The following ATRNL1 variants were observed in gnomAD, a reference collection of about 807,000 sequenced individuals.
ATRNL1 encodes the protein attractin-like protein 1.
ATRNL1 carries 95 observed loss-of-function variants against 182.7 expected under a neutral mutation model. The observed-to-expected ratio is 0.52, with a 90% CI of 0.44 to 0.62. The LOEUF is 0.62. Among genes scored for constraint, ATRNL1 ranks in the 20% least tolerant of loss-of-function variants. The pLI, the probability that ATRNL1 is intolerant of heterozygous loss-of-function variation, is 0.00. For synonymous variants in ATRNL1, 576 were observed against 568.3 expected, an observed-to-expected ratio of 1.01 and a Z score of -0.19; for missense variants, 1,471 against 1,679.5, an observed-to-expected ratio of 0.88 and a Z score of 2.17.
In ATRNL1 at chr10:115,260,793, ATAAAG is replaced by A. The variant is rs1851360161; in HGVS notation, c.1688-4398_1688-4394del. Among the ~76,000 whole-genome samples the A allele has an allele frequency of 2.0e-5, 3 of 152,158 alleles. No individual in the cohort carries two copies. In the South Asian group the frequency reaches 6.2e-4, roughly 31 times the overall value. On this transcript the variant is annotated intron_variant, in intron 10 of 28. Coordinates refer to ENST00000355044, the MANE Select transcript of ATRNL1 (RefSeq NM_207303.4). ...AGGAAAACAAATCAATGATTTGAAG[ATAAAG>A]TGAAGAATCTCCATAAAGTATTATG...
At chr10:115,409,926 T>A (rs574978152) in intron 20 of ATRNL1, among the ~76,000 whole-genome samples, 3 of 152,290 alleles carry the variant, frequency 2.0e-5, no homozygotes, top group South Asian at 2.1e-4. Flanking sequence ...GAGTTTTTTT[T>A]ATCATGGAGA....
intron 3 of ATRNL1, among the ~76,000 whole-genome samples, chr10:115,125,540 CGTT>C (rs1844932900): frequency 1.3e-5 from 2 of 150,404 alleles, no homozygotes; most frequent in South Asian, 2.1e-4. Context: ...GTGTGTTGGA[CGTT>C]GTTGTTTGGA....
In ATRNL1 at chr10:115,700,196, A is replaced by G. The variant is rs559134571; in HGVS notation, c.3796-27052A>G. On this transcript the variant is annotated intron_variant, in intron 26 of 28. Coordinates refer to ENST00000355044, the MANE Select transcript of ATRNL1 (RefSeq NM_207303.4). ...GTTAAATGATTTATTTCTTTTGGAT[A>G]TATACCCAGTAATGGGATTGCTGGG... Among the ~76,000 whole-genome samples the G allele has an allele frequency of 1.3e-4, 19 of 151,912 alleles. 1 individual carries two copies. The highest frequency in any genetic ancestry group is 4.6e-4 in the African/African-American group (19 of 41,198).
In ATRNL1 at chr10:115,948,235, A is replaced by G. The variant is rs1439569399; in HGVS notation, c.*3456A>G. 3 of 152,222 alleles carry G rather than the reference A, an allele frequency of 2.0e-5. No individual in the cohort carries two copies. Among genetic ancestry groups the G allele is most frequent in the African/African-American group, 7.2e-5 (3 of 41,446 alleles). The allele number at this position is 152,222 out of a possible 1,614,324, so 9.4% of individuals were successfully genotyped here. On this transcript the variant is annotated 3_prime_UTR_variant, in exon 29 of 29. Transcript: ENST00000355044. ...ATTACTGACTGATGACATTGAGACA[A>G]GAGCATCAATGATCACCTTTCACGT...
chr10:115,531,193 T>C (rs560731259), intron 25 of ATRNL1, among the ~76,000 whole-genome samples: 1 of 151,688 alleles, frequency 6.6e-6, no homozygotes, highest in African/African-American at 2.4e-5. Flanking sequence ...GATCCCTGAG[T>C]AATCGCCACA....
At chr10:115,319,165 G>A (rs1360328530) in intron 18 of ATRNL1, among the ~76,000 whole-genome samples, 2 of 152,196 alleles carry the variant, frequency 1.3e-5, no homozygotes, top group Non-Finnish European at 2.9e-5. Context: ...TCATTCAGGA[G>A]CAGGTTGTTC....
intron 27 of ATRNL1, among the ~76,000 whole-genome samples, chr10:115,838,250 GCAAAGGCTACTCCGTCTA>G (rs1443054578): frequency 6.6e-6 from 1 of 152,170 alleles, no homozygotes; most frequent in African/African-American, 2.4e-5. Flanking sequence ...TCTTGAAATT[GCAAAGGCTACTCCGTCTA>G]CAAACTTCAA....
chr10:115,573,297 C>G (rs1854514208), intron 26 of ATRNL1, among the ~76,000 whole-genome samples: 1 of 152,102 alleles, frequency 6.6e-6, no homozygotes, highest in South Asian at 2.1e-4. Flanking sequence ...TGACTTCCCC[C>G]AGCCAAATTC....
chr10:115,920,950 A>G (rs1555118573), intron 28 of ATRNL1, among the ~76,000 whole-genome samples: 1 of 152,238 alleles, frequency 6.6e-6, no homozygotes, highest in Non-Finnish European at 1.5e-5. Flanking sequence ...GTGAACTAAA[A>G]TGAGAAGTTA....
chr10:115,506,732 G>A (rs1308721331), intron 24 of ATRNL1, among the ~76,000 whole-genome samples: 1 of 151,910 alleles, frequency 6.6e-6, no homozygotes, highest in African/African-American at 2.4e-5. Context: ...TTCTCTGGAC[G>A]GTATGCTCCC....
chr10:115,596,087 A>T (rs1299296543), intron 26 of ATRNL1, among the ~76,000 whole-genome samples: 5 of 152,148 alleles, frequency 3.3e-5, no homozygotes, highest in African/African-American at 9.7e-5. Flanking sequence ...GTGTTCGGAA[A>T]TGTGACGCCC....
At position 115,469,335 on chromosome 10, in the gene ATRNL1, T is replaced by C. The variant is rs781800036; in HGVS notation, c.3654+6T>C. On this transcript the variant is annotated splice_donor_region_variant and intron_variant, in intron 24 of 28. Coordinates refer to ENST00000355044, the MANE Select transcript of ATRNL1 (RefSeq NM_207303.4). Reference sequence around the variant, plus strand: ...CCTGGCCTATTAAAATACAGGTAAGTGTTAAGAGTATTTACTTCTAATGAC... The same window carrying C: ...CCTGGCCTATTAAAATACAGGTAAGCGTTAAGAGTATTTACTTCTAATGAC... 6.7e-7 allele frequency: 1 copy of C among 1,502,598 alleles called. No individual in the cohort carries two copies. Among genetic ancestry groups the C allele is most frequent in the Non-Finnish European group, 8.9e-7 (1 of 1,124,838 alleles). The allele number at this position is 1,502,598 out of a possible 1,614,324, so 93.1% of individuals were successfully genotyped here.
chr10:115,738,130 T>TG (rs1948018635), intron 27 of ATRNL1, among the ~76,000 whole-genome samples: 2 of 45,476 alleles, frequency 4.4e-5, no homozygotes, highest in African/African-American at 7.9e-5. Context: ...ATAATGATTT[T>TG]TTTTTTTTTT....
At chr10:115,102,237 G>T (rs75268926) in intron 1 of ATRNL1, among the ~76,000 whole-genome samples, 1 of 152,116 alleles carries the variant, frequency 6.6e-6, no homozygotes, top group African/African-American at 2.4e-5. Context: ...AGCCTTTATC[G>T]TTATCCAATG....
At chr10:115,169,992 T>C (rs79080935) in intron 7 of ATRNL1, among the ~76,000 whole-genome samples, 1 of 152,296 alleles carries the variant, frequency 6.6e-6, no homozygotes, top group African/African-American at 2.4e-5. Flanking sequence ...ATTGATCTTA[T>C]GTTCTGTAAT....
At position 115,530,752 on chromosome 10, in the gene ATRNL1, A is replaced by G. The variant is rs376789806; in HGVS notation, c.3716+11428A>G. ...ATTAACTCGTCATTTAGCATTAGGT[A>G]TATCTCCTCATGCTATCCCTCCCCC... On this transcript the variant is annotated intron_variant, in intron 25 of 28. Coordinates refer to ENST00000355044, the MANE Select transcript of ATRNL1 (RefSeq NM_207303.4). Among the ~76,000 whole-genome samples the G allele has an allele frequency of 2.2e-4, 32 of 146,736 alleles. No individual in the cohort carries two copies. The South Asian group carries it at 7.3e-3, about 33-fold the overall frequency.
At chr10:115,749,280 C>A (rs930572295) in intron 27 of ATRNL1, among the ~76,000 whole-genome samples, 2 of 151,692 alleles carry the variant, frequency 1.3e-5, no homozygotes, top group Non-Finnish European at 2.9e-5. Flanking sequence ...TCATTAGAAA[C>A]AGTAAACCAA....
At chr10:115,411,249 A>G (rs1256049870) in intron 20 of ATRNL1, among the ~76,000 whole-genome samples, 1 of 150,318 alleles carries the variant, frequency 6.7e-6, no homozygotes, top group African/African-American at 2.4e-5. Flanking sequence ...CGTATTATAA[A>G]TTCAAATATT....
intron 28 of ATRNL1, among the ~76,000 whole-genome samples, chr10:115,882,802 T>C (rs1380164789): frequency 6.6e-6 from 1 of 152,232 alleles, no homozygotes; most frequent in African/African-American, 2.4e-5. Flanking sequence ...TGAATAGTTT[T>C]GTAAAATAGA....
Sources: allele counts gnomAD v4.1 joint callset (sites outside exome capture counted in the v4.1 genomes callset), GRCh38; gene constraint gnomAD v4.1.1; transcripts MANE v1.5; gene names NCBI Gene and HGNC (gene_info 2026-07-23, HGNC 2026-07-21).